FRAS1: variants seen among roughly 807,000 people sequenced by gnomAD.
FRAS1 encodes the protein Fraser extracellular matrix complex subunit 1, also known as extracellular matrix organizing protein FRAS1.
Under a neutral mutation model 435.2 loss-of-function variants are expected in FRAS1, and 290 were observed. The ratio of observed to expected loss-of-function variants is 0.67; its 90% CI spans 0.61 to 0.73. The LOEUF is 0.73. Ranked by LOEUF, FRAS1 falls within the 30% of genes least tolerant of loss-of-function variation. The pLI, the probability that FRAS1 is intolerant of heterozygous loss-of-function variation, is 0.00. For synonymous variants in FRAS1, 1,800 were observed against 1,851.0 expected, an observed-to-expected ratio of 0.97 and a Z score of 0.71; for missense variants, 4,860 against 5,001.5, an observed-to-expected ratio of 0.97 and a Z score of 0.85.
intron 42 of FRAS1, 114 bp from the exon 43 acceptor site, chr4:78,446,613 T>C: frequency 6.9e-7 from 1 of 1,439,576 alleles, no homozygotes; most frequent in South Asian, 1.5e-5. Context: ...GGTGCCACAT[T>C]AAATGCTATT....
At chr4:78,323,569 G>A (rs1560655043) in intron 18 of FRAS1, among the ~76,000 whole-genome samples, 1 of 152,160 alleles carries the variant, frequency 6.6e-6, no homozygotes. Context: ...TGCCTCTGTG[G>A]GTGTCAATCT....
intron 66 of FRAS1, among the ~76,000 whole-genome samples, chr4:78,518,832 A>C (rs765188287): frequency 1.3e-5 from 2 of 152,108 alleles, no homozygotes; most frequent in Non-Finnish European, 2.9e-5. Flanking sequence ...AGATGAGAGC[A>C]CTCACTAAAA....
chr4:78,423,179 T>G (rs1007582554), intron 34 of FRAS1, among the ~76,000 whole-genome samples: 6 of 151,960 alleles, frequency 3.9e-5, no homozygotes, highest in Non-Finnish European at 7.4e-5. Context: ...TTTCTTTTTT[T>G]TTTTTAAGAT....
chr4:78,167,444 C>G (rs572081762), intron 2 of FRAS1, among the ~76,000 whole-genome samples: 1 of 152,088 alleles, frequency 6.6e-6, no homozygotes, highest in African/African-American at 2.4e-5. Context: ...TTTTCTGTAA[C>G]AGTGCAGAGG....
rs1247996328 is a variant in FRAS1 at position 78,511,499 on chromosome 4, C to T, written c.10006C>T (p.Pro3336Ser). The change falls in exon 64 of 74, where the codon CCG becomes TCG. Residue 3336 changes from proline (P) to serine (S), a missense_variant. By Grantham distance (74) the Pro-to-Ser change is moderately conservative. Transcript: ENST00000512123. ...KYLDVKHKEH[P>S]NRIHISVQIP... ...CCTGGATGTCAAACATAAGGAGCAT[C>T]CGAACAGGTCAGGCAGGTGGTGCCT... 6.2e-7 allele frequency: 1 copy of T among 1,612,464 alleles called. No homozygotes were observed. The highest frequency in any genetic ancestry group is 8.5e-7 in the Non-Finnish European group (1 of 1,179,024).
intron 2 of FRAS1, among the ~76,000 whole-genome samples, chr4:78,094,165 G>A (rs1741675659): frequency 7.2e-6 from 1 of 138,530 alleles, no homozygotes; most frequent in South Asian, 2.3e-4. Flanking sequence ...GCATGTGGTA[G>A]TACATCTCTA....
chr4:78,075,297 G>A (rs1029041170), intron 2 of FRAS1, among the ~76,000 whole-genome samples: 2 of 152,190 alleles, frequency 1.3e-5, no homozygotes, highest in African/African-American at 4.8e-5. Context: ...ACACACAGAA[G>A]TTGATAGGGG....
At chr4:78,483,567 G>A (rs560442768) in intron 58 of FRAS1, among the ~76,000 whole-genome samples, 4 of 151,792 alleles carry the variant, frequency 2.6e-5, no homozygotes, top group East Asian at 1.9e-4. Context: ...AAGCCAAGTC[G>A]GATAATCTTT....
At chr4:78,376,004 T>C in intron 26 of FRAS1, 125 bp downstream of exon 26, 1 of 1,079,566 alleles carries the variant, frequency 9.3e-7, no homozygotes. Flanking sequence ...GGAAAACCCA[T>C]GGTGCTACTA....
chr4:78,216,441 A>C (rs916110915), intron 2 of FRAS1, among the ~76,000 whole-genome samples: 2 of 152,232 alleles, frequency 1.3e-5, no homozygotes, highest in Admixed American at 1.3e-4. Flanking sequence ...TCAGTGCATA[A>C]ATACATGCAT....
chr4:78,252,835 A>T (rs1725607195), intron 5 of FRAS1, among the ~76,000 whole-genome samples: 1 of 152,180 alleles, frequency 6.6e-6, no homozygotes, highest in African/African-American at 2.4e-5. Context: ...GTAGGTCACA[A>T]AGACCACATG....
In FRAS1 at chr4:78,385,127, C is replaced by G. The variant is rs192466933; in HGVS notation, c.3648+984C>G. ...GTGTGATGGCCCTTCAAACTCACCT[C>G]TCATCATTCATCTCCATCAAGTTGT... is the stretch of plus-strand genomic sequence containing the variant. On this transcript the variant is annotated intron_variant, in intron 28 of 73. Transcript: ENST00000512123. 2.8e-4 allele frequency among the ~76,000 whole-genome samples: 42 copies of G among 152,188 alleles called. 1 individual carries two copies. Among genetic ancestry groups the G allele is most frequent in the Admixed American group, 7.2e-4 (11 of 15,278 alleles).
intron 14 of FRAS1, among the ~76,000 whole-genome samples, chr4:78,301,993 A>C (rs369038039): frequency 2.0e-5 from 3 of 151,192 alleles, no homozygotes; most frequent in African/African-American, 7.3e-5. Flanking sequence ...TCCCAATGCT[A>C]TCCCTCCCCA....
chr4:78,437,548 A>G (rs1465265138), intron 38 of FRAS1, among the ~76,000 whole-genome samples: 3 of 152,196 alleles, frequency 2.0e-5, no homozygotes, highest in Non-Finnish European at 4.4e-5. Context: ...GAGACTCTGA[A>G]CTACTAACTT....
chr4:78,334,404 C>T (rs191201557), intron 19 of FRAS1, among the ~76,000 whole-genome samples: 3,443 of 111,672 alleles, frequency 0.031, 66 homozygotes, highest in Middle Eastern at 0.14. Flanking sequence ...CGGAGTCTTG[C>T]TCCGTCACCA....
At chr4:78,144,362 T>TCA (rs1260060252) in intron 2 of FRAS1, among the ~76,000 whole-genome samples, 1 of 152,144 alleles carries the variant, frequency 6.6e-6, no homozygotes, top group Non-Finnish European at 1.5e-5. Context: ...AATTACTGTT[T>TCA]GGACCAAAAA....
chr4:78,535,430 C>T (rs1721850248), intron 71 of FRAS1, among the ~76,000 whole-genome samples: 1 of 152,314 alleles, frequency 6.6e-6, no homozygotes, highest in Non-Finnish European at 1.5e-5. Flanking sequence ...GCTCTCCAAG[C>T]AGCATGTCTT....
At chr4:78,445,789 G>A (rs746168689) in intron 42 of FRAS1, 77 bp downstream of exon 42, 1 of 1,494,922 alleles carries the variant, frequency 6.7e-7, no homozygotes, top group South Asian at 1.5e-5. Flanking sequence ...TCTTTATAGG[G>A]ACTCAAAAGC....
chr4:78,237,183 G>C (rs904256627), intron 2 of FRAS1, among the ~76,000 whole-genome samples: 25 of 152,226 alleles, frequency 1.6e-4, no homozygotes, highest in African/African-American at 5.5e-4. Context: ...GTTTCTGCTA[G>C]TTAACAGCAA....
Sources: gnomAD v4.1 joint callset for allele counts (sites outside exome capture counted in the v4.1 genomes callset) on GRCh38, gnomAD v4.1.1 for gene constraint, MANE v1.5 for transcripts, NCBI Gene and HGNC (gene_info 2026-07-23, HGNC 2026-07-21) for gene names.